Variants in CDC42BPB observed in about 807,000 individuals in gnomAD.
CDC42BPB encodes the protein CDC42 binding protein kinase beta.
CDC42BPB carries 37 observed loss-of-function variants against 214.9 expected under a neutral mutation model. That is an observed-to-expected ratio of 0.17 (90% confidence interval 0.13 to 0.23). CDC42BPB has a LOEUF of 0.23. Ranked by LOEUF, CDC42BPB falls within the 10% of genes least tolerant of loss-of-function variation. CDC42BPB has a pLI of 1.00. For synonymous variants in CDC42BPB, 931 were observed against 884.0 expected (o/e 1.05, Z -0.94); for missense variants, 1,694 against 2,227.0 (o/e 0.76, Z 4.82).
At chr14:102,983,346 G>A (rs554000445) in intron 7 of CDC42BPB, among the ~76,000 whole-genome samples, 4 of 152,120 alleles carry the variant, frequency 2.6e-5, no homozygotes, top group African/African-American at 9.6e-5. Flanking sequence ...CCCTTCCTCT[G>A]GCGCCCACAT....
At chr14:103,021,516 C>G (rs1197086211) in intron 1 of CDC42BPB, among the ~76,000 whole-genome samples, 3 of 151,042 alleles carry the variant, frequency 2.0e-5, no homozygotes, top group Non-Finnish European at 4.4e-5. Flanking sequence ...AACCCCATCT[C>G]TGCTAAAAAT....
intron 23 of CDC42BPB, among the ~76,000 whole-genome samples, chr14:102,953,824 T>A (rs1057069925): frequency 6.6e-6 from 1 of 152,102 alleles, no homozygotes; most frequent in East Asian, 1.9e-4. Flanking sequence ...ACCAGCCACA[T>A]GGTTCTGTAA....
chr14:103,049,088 G>A (rs934333441), intron 1 of CDC42BPB, among the ~76,000 whole-genome samples: 2 of 152,186 alleles, frequency 1.3e-5, no homozygotes, highest in Admixed American at 6.5e-5. Context: ...AGCAAGGGGT[G>A]AATGTGTTTC....
Position 102,978,163 on chromosome 14 carries a change from G to C in CDC42BPB, c.1183C>G (p.His395Asp). 6.2e-7 allele frequency: 1 copy of C among 1,613,792 alleles called. No individual in the cohort carries two copies. Among genetic ancestry groups the C allele is most frequent in the Non-Finnish European group, 8.5e-7 (1 of 1,179,710 alleles). Residue 395 changes from histidine to aspartate, a missense_variant, in exon 9 of 37, where the codon CAT (histidine) becomes GAT (aspartate). His to Asp is a moderately conservative substitution (Grantham distance 81). This residue lies in a region of CDC42BPB where 225 missense variants were observed against 459.3 expected (regional missense o/e 0.49). Transcript: ENST00000361246. ...PGSHTGFSGL[H>D]LPFIGFTFTT... ...AATGTAAAACCAATGAATGGCAAAT[G>C]TAATCCAGAAAAGCCTGTGTGAGAA...
At chr14:102,951,545 T>G (rs1892490494) in intron 24 of CDC42BPB, among the ~76,000 whole-genome samples, 1 of 152,112 alleles carries the variant, frequency 6.6e-6, no homozygotes, top group African/African-American at 2.4e-5. Context: ...TCCCAGCACT[T>G]TGGGAGGCCG....
At chr14:102,938,577 A>G in intron 34 of CDC42BPB, 166 bp from the exon 35 acceptor site, 1 of 985,172 alleles carries the variant, frequency 1.0e-6, no homozygotes, top group Non-Finnish European at 1.2e-6. Flanking sequence ...TCTGGAACTA[A>G]GAACTGGCAA....
chr14:103,017,984 T>C (rs1436950688), intron 1 of CDC42BPB, among the ~76,000 whole-genome samples: 4 of 152,228 alleles, frequency 2.6e-5, no homozygotes, highest in African/African-American at 9.6e-5. Context: ...GCCACTTTCA[T>C]GGAAGACAAT....
At chr14:102,958,457 T>A (rs1236894855) in intron 21 of CDC42BPB, among the ~76,000 whole-genome samples, 1 of 152,252 alleles carries the variant, frequency 6.6e-6, no homozygotes, top group African/African-American at 2.4e-5. Flanking sequence ...TGGAACCACC[T>A]TCCCCACCCT....
chr14:102,984,757 G>A (rs1030021356), intron 6 of CDC42BPB, among the ~76,000 whole-genome samples: 1 of 152,114 alleles, frequency 6.6e-6, no homozygotes, highest in Non-Finnish European at 1.5e-5. Flanking sequence ...CCTGTCTGGG[G>A]AAGGCCAGGC....
At chr14:103,041,946 TA>T in intron 1 of CDC42BPB, 1 of 362,534 alleles carries the variant, frequency 2.8e-6, no homozygotes, top group Non-Finnish European at 5.5e-6. Flanking sequence ...CAAACGTCTG[TA>T]AGAAGGAGAA....
chr14:102,968,082 G>GA lies in CDC42BPB; in HGVS notation c.2346+170dup, dbSNP rs34933195. 5.2e-4 allele frequency among the ~76,000 whole-genome samples: 78 copies of GA among 150,908 alleles called. 1 individual carries two copies. The East Asian group carries it at 0.011, about 22-fold the overall frequency. ...TGCACTCCAGCCTGAGCGACAGAGC[G>GA]AGACTCCATCTCAAAAAAAAAAAAC... On this transcript the variant is annotated intron_variant, in intron 16 of 36. Transcript: ENST00000361246.
In CDC42BPB at chr14:102,980,735, A is replaced by C. The variant is rs771549890; in HGVS notation, c.1140+38T>G. On this transcript the variant is annotated intron_variant, in intron 8 of 36. Coordinates refer to ENST00000361246, the MANE Select transcript of CDC42BPB (RefSeq NM_006035.4). ...CAACACAGCACTGCATGTCAGACCC[A>C]CAGCCAGCAACCCTGAGAACGGTGC... The C allele has an allele frequency of 1.9e-6, 3 of 1,607,858 alleles. No homozygotes were observed. In the African/African-American group the frequency reaches 4.0e-5, roughly 22 times the overall value.
chr14:102,958,192 C>T (rs938343441), intron 21 of CDC42BPB, among the ~76,000 whole-genome samples: 5 of 152,210 alleles, frequency 3.3e-5, no homozygotes, highest in Admixed American at 1.3e-4. Flanking sequence ...GGCTGTCCCA[C>T]GGCATCAGCA....
At chr14:102,934,807 T>A (rs1190235) in intron 36 of CDC42BPB, among the ~76,000 whole-genome samples, 1 of 151,880 alleles carries the variant, frequency 6.6e-6, no homozygotes, top group Non-Finnish European at 1.5e-5. Flanking sequence ...GTCAGGAGAT[T>A]GAGACCATCC....
In CDC42BPB at chr14:102,944,145, C is replaced by G; in HGVS notation, c.4154G>C (p.Arg1385Thr). Reference protein sequence around the residue: ...SVQCLAVLRDRLCVGYPSGFC... With the variant: ...SVQCLAVLRDTLCVGYPSGFC... ...CCCAGAAGGGTAGCCCACACAGAGC[C>G]TGTCCCTGAGCACCGCCAGGCACTG... The change falls in exon 30 of 37, where the codon AGG becomes ACG. Residue 1385 changes from arginine (R) to threonine (T), a missense_variant. Coordinates refer to ENST00000361246, the MANE Select transcript of CDC42BPB (RefSeq NM_006035.4). This position sits in a 1 kb window ranked among gnomAD's most constrained non-coding sequence, Gnocchi z 6.6. 1 of 1,613,220 alleles carries G rather than the reference C, an allele frequency of 6.2e-7. No individual in the cohort carries two copies. The highest frequency in any genetic ancestry group is 1.1e-5 in the South Asian group (1 of 91,082).
intron 26 of CDC42BPB, among the ~76,000 whole-genome samples, chr14:102,949,492 C>T (rs1892379248): frequency 6.6e-6 from 1 of 151,994 alleles, no homozygotes; most frequent in South Asian, 2.1e-4. Flanking sequence ...AAATTAATTC[C>T]CCTGTGGCAA....
intron 5 of CDC42BPB, among the ~76,000 whole-genome samples, chr14:102,995,315 C>G (rs1408301517): frequency 6.6e-6 from 1 of 152,134 alleles, no homozygotes; most frequent in East Asian, 1.9e-4. Context: ...GCTGGGAGTA[C>G]AGGTGCTCAT....
At chr14:102,989,823 C>T (rs1487450440) in intron 5 of CDC42BPB, among the ~76,000 whole-genome samples, 2 of 150,352 alleles carry the variant, frequency 1.3e-5, no homozygotes, top group African/African-American at 2.5e-5. Context: ...CGCACCACTG[C>T]GCGCCAGCCT....
intron 7 of CDC42BPB, among the ~76,000 whole-genome samples, chr14:102,982,531 G>A (rs1485800255): frequency 2.0e-5 from 3 of 152,232 alleles, no homozygotes; most frequent in African/African-American, 7.2e-5. Context: ...CACTTTGGGA[G>A]GCCAAGGTGG....
Sources: gnomAD v4.1 joint callset for allele counts (sites outside exome capture counted in the v4.1 genomes callset) on GRCh38, gnomAD v4.1.1 for gene constraint, gnomAD v4.1.1 regional missense constraint, Gnocchi (gnomAD v3.1) non-coding constraint, MANE v1.5 for transcripts, NCBI Gene and HGNC (gene_info 2026-07-23, HGNC 2026-07-21) for gene names.